The following ARHGAP44 variants were observed in gnomAD, a reference collection of about 807,000 sequenced individuals.
The protein encoded by ARHGAP44 is rho GTPase-activating protein 44.
ARHGAP44 carries 43 observed loss-of-function variants against 106.8 expected under a neutral mutation model. The observed-to-expected ratio is 0.40, with a 90% CI of 0.32 to 0.52. The LOEUF (loss-of-function observed/expected upper bound fraction) is 0.52, where lower values mean the gene tolerates loss of function less well. Among genes scored for constraint, ARHGAP44 ranks in the 20% least tolerant of loss-of-function variants. ARHGAP44 has a pLI of 0.48. For synonymous variants in ARHGAP44, 439 were observed against 410.3 expected (o/e 1.07, Z -0.85); for missense variants, 866 against 1,050.5 (o/e 0.82, Z 2.43).
intron 1 of ARHGAP44, among the ~76,000 whole-genome samples, chr17:12,796,202 T>C (rs1000669657): frequency 2.0e-5 from 3 of 152,130 alleles, no homozygotes; most frequent in Non-Finnish European, 4.4e-5. Context: ...CTCTGTATAC[T>C]GTTTTGTAAC....
At chr17:12,807,377 G>T (rs1321734560) in intron 1 of ARHGAP44, among the ~76,000 whole-genome samples, 1 of 152,158 alleles carries the variant, frequency 6.6e-6, no homozygotes, top group South Asian at 2.1e-4. Context: ...GGATGTATTT[G>T]TCTGTTCTCA....
chr17:12,984,763 C>G lies in ARHGAP44; in HGVS notation c.2172C>G (p.Ser724Arg). The change falls in exon 20 of 21, where the codon AGC becomes AGG. Residue 724 changes from serine to arginine, a missense_variant. Physicochemically the swap from Ser to Arg is moderately radical, Grantham distance 110. Around this residue, in one of 2 missense-constraint regions of ARHGAP44, gnomAD observed 418 missense variants for 403.6 expected, o/e 1.04. Transcript: ENST00000379672. ...CTTCTGTCTTTACAAGCACTTTGAG[C>G]AAATCGCGGCCCACTCCTAAGCCGC... ...ASPSVFTSTL[S>R]KSRPTPKPRQ... 6.2e-7 allele frequency: 1 copy of G among 1,613,964 alleles called. No homozygotes were observed. The highest frequency in any genetic ancestry group is 8.5e-7 in the Non-Finnish European group (1 of 1,179,888).
intron 1 of ARHGAP44, among the ~76,000 whole-genome samples, chr17:12,841,700 A>G (rs531084091): frequency 1.3e-5 from 2 of 151,858 alleles, no homozygotes; most frequent in African/African-American, 2.4e-5. Context: ...CAGGGGCTCC[A>G]TTCTTACTTT....
chr17:12,879,395 A>G (rs1332282404), intron 1 of ARHGAP44, among the ~76,000 whole-genome samples: 1 of 152,076 alleles, frequency 6.6e-6, no homozygotes, highest in Non-Finnish European at 1.5e-5. Flanking sequence ...CTGGTTCCAT[A>G]TTTCGCAGTT....
intron 1 of ARHGAP44, among the ~76,000 whole-genome samples, chr17:12,848,512 T>C (rs1048883889): frequency 1.5e-4 from 23 of 152,180 alleles, no homozygotes; most frequent in African/African-American, 5.5e-4. Context: ...CCTGCTAATA[T>C]GTTTTTCCTC....
intron 1 of ARHGAP44, 67 bp from the exon 2 acceptor site, chr17:12,894,873 T>C (rs1266183035): frequency 1.4e-6 from 2 of 1,416,276 alleles, no homozygotes; most frequent in Non-Finnish European, 2.0e-6. Context: ...ATTGAAGAGA[T>C]TAGGGAGTAA....
chr17:12,861,433 C>T (rs1032821984), intron 1 of ARHGAP44, among the ~76,000 whole-genome samples: 5 of 152,164 alleles, frequency 3.3e-5, no homozygotes, highest in Non-Finnish European at 5.9e-5. Flanking sequence ...AAGATGGCAG[C>T]AGGATGTTGC....
intron 10 of ARHGAP44, among the ~76,000 whole-genome samples, chr17:12,947,623 C>T (rs1186179975): frequency 6.6e-6 from 1 of 152,224 alleles, no homozygotes; most frequent in Non-Finnish European, 1.5e-5. Context: ...TCCCCTCCTC[C>T]ACCTAGTTTT....
Position 12,982,442 on chromosome 17 carries a change from G to C in ARHGAP44, c.1940-2089G>C, listed in dbSNP as rs537775928. Among the ~76,000 whole-genome samples the C allele has an allele frequency of 3.8e-4, 58 of 151,962 alleles. 2 individuals carry two copies. The highest frequency in any genetic ancestry group is 3.4e-3 in the Admixed American group (52 of 15,262). On this transcript the variant is annotated intron_variant, in intron 19 of 20. Coordinates refer to ENST00000379672, the MANE Select transcript of ARHGAP44 (RefSeq NM_014859.6). Reference sequence around the variant, plus strand: ...ATGGTGATGCATCCTCTGTCCCCCAGCTCCTTCGTGAGAAGGCATGTGCAA... The same window carrying C: ...ATGGTGATGCATCCTCTGTCCCCCACCTCCTTCGTGAGAAGGCATGTGCAA...
intron 7 of ARHGAP44, among the ~76,000 whole-genome samples, chr17:12,936,929 T>G (rs2038565236): frequency 6.6e-6 from 1 of 152,212 alleles, no homozygotes; most frequent in South Asian, 2.1e-4. Flanking sequence ...TGCCTTTTAC[T>G]GTGTTTGTAA....
chr17:12,874,013 T>G (rs1354507825), intron 1 of ARHGAP44, among the ~76,000 whole-genome samples: 1 of 152,162 alleles, frequency 6.6e-6, no homozygotes, highest in East Asian at 1.9e-4. Context: ...AGAGTTTGTT[T>G]CTGTTGAAAA....
intron 1 of ARHGAP44, among the ~76,000 whole-genome samples, chr17:12,843,687 C>A (rs369244216): frequency 3.2e-4 from 34 of 104,976 alleles, no homozygotes; most frequent in Non-Finnish European, 5.2e-5. Context: ...GATGGAGTTT[C>A]GTCTGTCACC....
intron 18 of ARHGAP44, 90 bp downstream of exon 18, chr17:12,974,400 C>T (rs983984472): frequency 5.5e-6 from 6 of 1,099,278 alleles, no homozygotes; most frequent in African/African-American, 3.3e-5. Flanking sequence ...TGGATTTCGT[C>T]GTTTCCCATG....
At chr17:12,966,368 A>G (rs562905962) in intron 16 of ARHGAP44, among the ~76,000 whole-genome samples, 7 of 152,258 alleles carry the variant, frequency 4.6e-5, no homozygotes, top group African/African-American at 1.7e-4. Flanking sequence ...CCCTGGACTT[A>G]GACATTGTTG....
At chr17:12,835,227 G>A (rs2035202031) in intron 1 of ARHGAP44, among the ~76,000 whole-genome samples, 2 of 152,284 alleles carry the variant, frequency 1.3e-5, no homozygotes, top group South Asian at 4.1e-4. Context: ...AATGGTGTCA[G>A]TTAGTGTGAA....
intron 16 of ARHGAP44, among the ~76,000 whole-genome samples, chr17:12,966,583 C>T (rs986343662): frequency 3.9e-5 from 6 of 152,208 alleles, no homozygotes; most frequent in African/African-American, 1.2e-4. Context: ...CCTTTGCTGT[C>T]CGGGACATCA....
intron 1 of ARHGAP44, among the ~76,000 whole-genome samples, chr17:12,795,877 T>A (rs2033902749): frequency 6.6e-6 from 1 of 152,096 alleles, no homozygotes; most frequent in Non-Finnish European, 1.5e-5. Context: ...AATTTCAAAC[T>A]CTTCTTTCTG....
At chr17:12,904,049 C>T (rs576715429) in intron 3 of ARHGAP44, among the ~76,000 whole-genome samples, 2 of 152,226 alleles carry the variant, frequency 1.3e-5, no homozygotes, top group South Asian at 2.1e-4. Context: ...GGGTTGCTAA[C>T]GCATTTCTTC....
chr17:12,797,113 CTTTT>C (rs1672938287), intron 1 of ARHGAP44, among the ~76,000 whole-genome samples: 1 of 152,014 alleles, frequency 6.6e-6, no homozygotes. Flanking sequence ...TTGTATGTCT[CTTTT>C]TTCTTTTGGC....
Sources: gnomAD v4.1 joint callset for allele counts (sites outside exome capture counted in the v4.1 genomes callset) on GRCh38, gnomAD v4.1.1 for gene constraint, gnomAD v4.1.1 regional missense constraint, MANE v1.5 for transcripts, NCBI Gene and HGNC (gene_info 2026-07-23, HGNC 2026-07-21) for gene names.